ABCA13: variants seen among roughly 807,000 people sequenced by gnomAD.
ABCA13 encodes ATP binding cassette subfamily A member 13.
In ABCA13, 476 loss-of-function variants were observed where a neutral mutation model predicts 478.7. That is an observed-to-expected ratio of 0.99 (90% confidence interval 0.92 to 1.07). ABCA13 has a LOEUF of 1.07. ABCA13 is among the 50% of genes least tolerant of loss of function. The pLI is 0.00. For synonymous variants in ABCA13, 2,252 were observed against 2,158.9 expected, an observed-to-expected ratio of 1.04 and a Z score of -1.20; for missense variants, 6,060 against 5,910.6, an observed-to-expected ratio of 1.03 and a Z score of -0.83.
At chr7:48,295,601 A>G (rs1799244130) in intron 20 of ABCA13, 99 bp from the exon 21 acceptor site, 1 of 1,469,024 alleles carries the variant, frequency 6.8e-7, no homozygotes, top group Admixed American at 1.8e-5. Context: ...AGCAACTGAC[A>G]TGATTGTTCT....
At chr7:48,209,770 A>T (rs1460789043) in intron 3 of ABCA13, among the ~76,000 whole-genome samples, 2 of 152,150 alleles carry the variant, frequency 1.3e-5, no homozygotes, top group African/African-American at 2.4e-5. Context: ...CGATGTATTG[A>T]TATATAGTTG....
chr7:48,587,400 C>A, intron 57 of ABCA13, 112 bp downstream of exon 57: 2 of 1,245,212 alleles, frequency 1.6e-6, no homozygotes, highest in Non-Finnish European at 2.1e-6. Context: ...AAAGCTGGTT[C>A]TACAAACTAG....
chr7:48,345,828 A>C (rs1807992230), intron 29 of ABCA13, among the ~76,000 whole-genome samples: 4 of 152,312 alleles, frequency 2.6e-5, no homozygotes, highest in African/African-American at 9.6e-5. Flanking sequence ...ACATTCACTC[A>C]CTGCTCACTG....
chr7:48,307,768 C>A (rs1284306138), intron 23 of ABCA13, among the ~76,000 whole-genome samples: 1 of 152,066 alleles, frequency 6.6e-6, no homozygotes, highest in African/African-American at 2.4e-5. Context: ...GTGAGCTCCA[C>A]CTCCTTGGTT....
At chr7:48,230,405 G>A (rs1378035203) in intron 7 of ABCA13, among the ~76,000 whole-genome samples, 1 of 152,162 alleles carries the variant, frequency 6.6e-6, no homozygotes, top group Admixed American at 6.5e-5. Flanking sequence ...ACAGGGGAGG[G>A]AATGGAATTA....
chr7:48,323,279 G>A (rs1226167673), intron 27 of ABCA13, among the ~76,000 whole-genome samples: 1 of 152,202 alleles, frequency 6.6e-6, no homozygotes, highest in African/African-American at 2.4e-5. Context: ...CGTCCCCAGT[G>A]CCTAGAAGAA....
chr7:48,362,723 T>C (rs2129007751), intron 31 of ABCA13, among the ~76,000 whole-genome samples: 1 of 151,976 alleles, frequency 6.6e-6, no homozygotes, highest in East Asian at 1.9e-4. Context: ...TAAACCCTTG[T>C]TTTTTTATCA....
At chr7:48,185,501 A>G (rs1480567162) in intron 1 of ABCA13, among the ~76,000 whole-genome samples, 1 of 152,218 alleles carries the variant, frequency 6.6e-6, no homozygotes, top group African/African-American at 2.4e-5. Context: ...TTAGAATTGC[A>G]TTGAGCCTAC....
chr7:48,455,192 A>G lies in ABCA13; in HGVS notation c.12721A>G (p.Met4241Val), dbSNP rs538424035. Residue 4241 changes from methionine (M) to valine (V), a missense_variant, in exon 43 of 62, where the codon ATG becomes GTG. Met to Val is a conservative substitution (Grantham distance 21). Coordinates refer to ENST00000435803, the MANE Select transcript of ABCA13 (RefSeq NM_152701.5). The part of the protein sequence containing the change: ...LLPVLFVALA[M>V]GLFMVRPLAT... ...GCCAGTCCTCTTCGTGGCCTTGGCCATGGGCTTGTTCATGGTGAGACCCCT... is the reference window on the plus strand; with the variant it reads ...GCCAGTCCTCTTCGTGGCCTTGGCCGTGGGCTTGTTCATGGTGAGACCCCT... The G allele has an allele frequency of 2.9e-5, 46 of 1,592,902 alleles. No individual in the cohort carries two copies. Among genetic ancestry groups the G allele is most frequent in the Non-Finnish European group, 3.5e-5 (41 of 1,169,976 alleles).
intron 52 of ABCA13, among the ~76,000 whole-genome samples, chr7:48,519,799 A>G (rs1290865160): frequency 6.6e-6 from 1 of 152,134 alleles, no homozygotes; most frequent in African/African-American, 2.4e-5. Flanking sequence ...TTAAAAGTAG[A>G]TGTAAAAATC....
intron 47 of ABCA13, among the ~76,000 whole-genome samples, chr7:48,484,750 A>G (rs944408564): frequency 7.2e-5 from 11 of 152,202 alleles, no homozygotes; most frequent in Admixed American, 2.0e-4. Context: ...CACCAGGCAC[A>G]AGCATGCAGG....
chr7:48,454,894 T>C lies in ABCA13; in HGVS notation c.12566-143T>C. 7.5e-6 allele frequency: 9 copies of C among 1,205,410 alleles called. 1 individual carries two copies. Among genetic ancestry groups the C allele is most frequent in the Middle Eastern group, 2.9e-4 (1 of 3,402 alleles). 74.7% of individuals were successfully genotyped at this position (1,205,410 alleles called of 1,614,324 possible). ...CACTTTAGGTGCATAAAGGGGACAC[T>C]CAAGGGAGTCCTCATGGGGTGGGCC... On this transcript the variant is annotated intron_variant, in intron 42 of 61. Coordinates refer to ENST00000435803, the MANE Select transcript of ABCA13 (RefSeq NM_152701.5).
intron 26 of ABCA13, among the ~76,000 whole-genome samples, chr7:48,315,832 T>A (rs1482108133): frequency 6.6e-6 from 1 of 152,214 alleles, no homozygotes; most frequent in Non-Finnish European, 1.5e-5. Flanking sequence ...ATCAACTTTA[T>A]TGTCAAATAA....
intron 51 of ABCA13, among the ~76,000 whole-genome samples, chr7:48,514,331 T>C (rs559554314): frequency 6.6e-6 from 1 of 152,280 alleles, no homozygotes; most frequent in African/African-American, 2.4e-5. Flanking sequence ...GAATATCGTG[T>C]TGTTAAAGGA....
rs773054046 is a variant in ABCA13, at chr7:48,275,683, T to C, written c.6017T>C (p.Val2006Ala). ...ATTTCCTCAAATTTGGAAAGGACAG[T>C]ACAATTGATTTCTGAAGACTGGAGC... ...NIISSNLERT[V>A]QLISEDWSLE... Residue 2006 changes from valine (V) to alanine (A), a missense_variant, in exon 17 of 62, where the codon GTA (valine) becomes GCA (alanine). Coordinates refer to ENST00000435803, the MANE Select transcript of ABCA13 (RefSeq NM_152701.5). The C allele has an allele frequency of 6.3e-7, 1 of 1,599,268 alleles. No individual in the cohort carries two copies. The highest frequency in any genetic ancestry group is 2.2e-5 in the East Asian group (1 of 44,582).
intron 38 of ABCA13, among the ~76,000 whole-genome samples, chr7:48,396,191 G>C (rs769172995): frequency 6.6e-6 from 1 of 152,220 alleles, no homozygotes; most frequent in Non-Finnish European, 1.5e-5. Flanking sequence ...TCAAGGACCA[G>C]ATCCCCTCCC....
intron 18 of ABCA13, 41 bp from the exon 19 acceptor site, chr7:48,281,302 T>G (rs1296558828): frequency 6.5e-7 from 1 of 1,532,578 alleles, no homozygotes; most frequent in South Asian, 1.2e-5. Context: ...GGGTTGCACA[T>G]TTTTACCCTT....
intron 35 of ABCA13, among the ~76,000 whole-genome samples, chr7:48,379,857 C>G (rs1461953596): frequency 6.6e-6 from 1 of 152,090 alleles, no homozygotes; most frequent in African/African-American, 2.4e-5. Context: ...TCAGGAAATT[C>G]CCTTTGTTAA....
chr7:48,322,394 C>T (rs1394040731), intron 27 of ABCA13, among the ~76,000 whole-genome samples: 2 of 152,226 alleles, frequency 1.3e-5, no homozygotes, highest in African/African-American at 2.4e-5. Flanking sequence ...TGCCATACTT[C>T]CTTGGGATCC....
Sources: gnomAD v4.1 joint callset for allele counts (sites outside exome capture counted in the v4.1 genomes callset) on GRCh38, gnomAD v4.1.1 for gene constraint, MANE v1.5 for transcripts, NCBI Gene and HGNC (gene_info 2026-07-23, HGNC 2026-07-21) for gene names.